The following ADGRG4 variants were observed in gnomAD, a reference collection of about 807,000 sequenced individuals.
The protein encoded by ADGRG4 is adhesion G protein-coupled receptor G4.
A neutral mutation model predicts 126.2 loss-of-function variants in ADGRG4; 122 were observed. The ratio of observed to expected loss-of-function variants is 0.97; its 90% confidence interval spans 0.83 to 1.12. The LOEUF is 1.12. Ranked by LOEUF, ADGRG4 falls within the 50% of genes most tolerant of loss-of-function variation. The pLI, the probability that ADGRG4 is intolerant of heterozygous loss-of-function variation, is 0.00. For missense variants in ADGRG4, 2,481 were observed against 2,251.8 expected (o/e 1.10, Z -2.06); for synonymous variants, 943 against 838.7 (o/e 1.12, Z -2.15).
intron 4 of ADGRG4, among the ~76,000 whole-genome samples, chrX:136,310,146 GTTA>G (rs1243774004): frequency 1.8e-5 from 2 of 109,737 alleles, no homozygotes; most frequent in Admixed American, 9.8e-5. Context: ...TATTATTATT[GTTA>G]TTATTATTAT....
intron 5 of ADGRG4, among the ~76,000 whole-genome samples, chrX:136,327,620 T>A (rs933096766): frequency 9.1e-6 from 1 of 110,335 alleles, no homozygotes; most frequent in Non-Finnish European, 1.9e-5. Context: ...ACATGTAACA[T>A]AATTTATTTA....
Position 136,372,830 on chromosome X carries a change from G to T in ADGRG4, c.7614-72G>T. 8 of 1,032,142 alleles carry T rather than the reference G, an allele frequency of 7.8e-6. No homozygotes were observed. The South Asian group carries it at 1.5e-4, about 20-fold the overall frequency. The allele number at this position is 1,032,142 out of a possible 1,213,427, so 85.1% of individuals were successfully genotyped here. A position where few individuals can be genotyped will look rare whatever the true frequency, so the allele number is the denominator to read the frequency against. On this transcript the variant is annotated intron_variant, in intron 14 of 25. Coordinates refer to ENST00000394143, the MANE Select transcript of ADGRG4 (RefSeq NM_153834.4). Reference sequence around the variant, plus strand: ...ACTCAAAGAAAAGTCTTGCAATAAGGAAATCTTGCAAGGAGGATGGGTTTT... The same window carrying T: ...ACTCAAAGAAAAGTCTTGCAATAAGTAAATCTTGCAAGGAGGATGGGTTTT...
chrX:136,356,238 C>A (rs2075093165), intron 9 of ADGRG4, 73 bp downstream of exon 9: 1 of 651,852 alleles, frequency 1.5e-6, no homozygotes, highest in Non-Finnish European at 2.4e-6. Flanking sequence ...AATAGCTCTT[C>A]CACCCAAGTA....
rs753113455 is a variant in ADGRG4, at chrX:136,334,865, C to T, written c.686-9527C>T. On this transcript the variant is annotated intron_variant, in intron 5 of 25. Coordinates refer to ENST00000394143, the MANE Select transcript of ADGRG4 (RefSeq NM_153834.4). Reference sequence around the variant, plus strand: ...TCTATCTGGACTACTGCATAATCTGCAATGCCTTAAAAAATTTTTTTTTGC... The same window carrying T: ...TCTATCTGGACTACTGCATAATCTGTAATGCCTTAAAAAATTTTTTTTTGC... Among the ~76,000 whole-genome samples, 26 of 111,708 alleles carry T rather than the reference C, an allele frequency of 2.3e-4. No individual in the cohort carries two copies. The South Asian group carries it at 9.8e-3, about 42-fold the overall frequency.
chrX:136,363,047 G>A (rs1225739711), intron 12 of ADGRG4, among the ~76,000 whole-genome samples: 1 of 111,241 alleles, frequency 9.0e-6, no homozygotes, highest in Admixed American at 9.5e-5. Context: ...GATGAGGGCC[G>A]ATGGGCCATC....
In ADGRG4 at chrX:136,322,843, A is replaced by G. The variant is rs762398948; in HGVS notation, c.136A>G (p.Ile46Val). Residue 46 changes from isoleucine (I) to valine (V), a missense_variant, in exon 5 of 26, where the codon ATA becomes GTA. Coordinates refer to ENST00000394143, the MANE Select transcript of ADGRG4 (RefSeq NM_153834.4). ...AAGAGGTGACACATATGTAAGCCTG[A>G]TAGATACCATTCCTGAACTCAGCCG... ...FGRGDTYVSLIDTIPELSRFT... is the reference protein window; with the variant it reads ...FGRGDTYVSLVDTIPELSRFT... 2.1e-5 allele frequency: 25 copies of G among 1,208,314 alleles called. No homozygotes were observed. In the East Asian group the frequency reaches 5.6e-4, roughly 27 times the overall value.
At chrX:136,329,334 T>A (rs968075954) in intron 5 of ADGRG4, among the ~76,000 whole-genome samples, 1 of 112,189 alleles carries the variant, frequency 8.9e-6, no homozygotes, top group Non-Finnish European at 1.9e-5. Flanking sequence ...TGCAACAAAA[T>A]GCCTCATAAA....
At position 136,345,668 on chromosome X, in the gene ADGRG4, C is replaced by A. The variant is rs2075010482; in HGVS notation, c.1962C>A (p.Thr654=). 8.3e-7 allele frequency: 1 copy of A among 1,208,914 alleles called. No individual in the cohort carries two copies. The highest frequency in any genetic ancestry group is 2.2e-5 in the Admixed American group (1 of 45,695). Residue 654 remains threonine (T), a synonymous_variant, in exon 6 of 26, where the codon ACC becomes ACA. Transcript: ENST00000394143. ...CCCATCTGTTCTCCAGCAATGAGAC[C>A]ATTTGGACTTCTAGGCCAGACCAGG... The part of the protein sequence containing the change: ...EAAHLFSSNE[T]IWTSRPDQAL...
intron 5 of ADGRG4, among the ~76,000 whole-genome samples, chrX:136,339,375 T>A (rs141825653): frequency 0.011 from 1,248 of 112,147 alleles, 18 homozygotes; most frequent in African/African-American, 0.038. Flanking sequence ...CTTCCCAGAC[T>A]GGGTTATGTT....
At chrX:136,405,994 T>C (rs1346585099) in intron 23 of ADGRG4, 22 bp downstream of exon 23, 1 of 1,124,433 alleles carries the variant, frequency 8.9e-7, no homozygotes, top group South Asian at 2.3e-5. Context: ...TTTTTTGCCT[T>C]TTCTGTGGCC....
At chrX:136,331,638 T>C (rs2074910546) in intron 5 of ADGRG4, among the ~76,000 whole-genome samples, 1 of 111,597 alleles carries the variant, frequency 9.0e-6, no homozygotes, top group Non-Finnish European at 1.9e-5. Context: ...TGATATTTTA[T>C]TGTGCTTTCA....
intron 15 of ADGRG4, among the ~76,000 whole-genome samples, chrX:136,375,805 G>C (rs147229538): frequency 1.8e-5 from 2 of 112,017 alleles, no homozygotes; most frequent in East Asian, 5.6e-4. Context: ...TGGATGCATA[G>C]TTTGCAAATG....
At chrX:136,380,646 TTCTTCCTCCTCCTCCTCCTCC>T (rs2075257554) in intron 15 of ADGRG4, among the ~76,000 whole-genome samples, 4 of 81,188 alleles carry the variant, frequency 4.9e-5, no homozygotes, top group Admixed American at 1.3e-4. Flanking sequence ...CTTCTTCTTC[TTCTTCCTCCTCCTCCTCCTCC>T]TCTTCCTCCT....
intron 5 of ADGRG4, among the ~76,000 whole-genome samples, chrX:136,330,598 G>GT (rs888006076): frequency 5.4e-4 from 60 of 110,811 alleles, no homozygotes; most frequent in Non-Finnish European, 8.5e-4. Context: ...CTGTGTACAG[G>GT]TTTTTTTTGT....
chrX:136,383,885 C>T (rs1238277391), intron 15 of ADGRG4, among the ~76,000 whole-genome samples: 111 of 65,504 alleles, frequency 1.7e-3, no homozygotes, highest in East Asian at 0.012. Flanking sequence ...TTCTTTCTTC[C>T]TTTCCTTTCC....
At chrX:136,361,686 C>A in intron 12 of ADGRG4, 99 bp downstream of exon 12, 1 of 566,229 alleles carries the variant, frequency 1.8e-6, no homozygotes, top group Non-Finnish European at 2.6e-6. Flanking sequence ...TGCTCCCTTC[C>A]TCCACCTCTA....
intron 16 of ADGRG4, among the ~76,000 whole-genome samples, chrX:136,390,531 G>A (rs956701061): frequency 2.7e-5 from 3 of 111,645 alleles, no homozygotes; most frequent in Non-Finnish European, 1.9e-5. Context: ...AAAGTGCAGT[G>A]AGAGAAAGGT....
intron 23 of ADGRG4, among the ~76,000 whole-genome samples, chrX:136,407,007 G>A (rs763781922): frequency 2.7e-5 from 3 of 111,273 alleles, no homozygotes; most frequent in Non-Finnish European, 3.8e-5. Flanking sequence ...AAAATATTGG[G>A]GGGAAGAGGC....
chrX:136,324,256 C>A (rs1004501648), intron 5 of ADGRG4, among the ~76,000 whole-genome samples: 1 of 111,949 alleles, frequency 8.9e-6, no homozygotes, highest in African/African-American at 3.2e-5. Flanking sequence ...TCTTACCATA[C>A]TTTCACCCAA....
Sources: allele counts gnomAD v4.1 joint callset (sites outside exome capture counted in the v4.1 genomes callset), GRCh38; gene constraint gnomAD v4.1.1; transcripts MANE v1.5; gene names NCBI Gene and HGNC (gene_info 2026-07-23, HGNC 2026-07-21).